Variants in FAM149A observed in about 807,000 individuals in gnomAD.
FAM149A encodes the protein protein FAM149A.
Under a neutral mutation model 78.2 loss-of-function variants are expected in FAM149A, and 71 were observed. The observed-to-expected ratio is 0.91, with a 90% confidence interval of 0.75 to 1.11. FAM149A has a LOEUF of 1.11. Ranked by LOEUF, FAM149A falls within the 50% of genes least tolerant of loss-of-function variation. FAM149A has a pLI of 0.00. For synonymous variants in FAM149A, 446 were observed against 410.5 expected (o/e 1.09, Z -1.04); for missense variants, 1,036 against 971.0 (o/e 1.07, Z -0.89).
At chr4:186,128,489 AAAG>A (rs1446837517) in intron 1 of FAM149A, among the ~76,000 whole-genome samples, 1 of 151,946 alleles carries the variant, frequency 6.6e-6, no homozygotes, top group Admixed American at 6.6e-5. Context: ...AAAAAACCAA[AAAG>A]AGCAACGGAA....
intron 1 of FAM149A, chr4:186,127,498 A>G: frequency 1.0e-6 from 1 of 985,422 alleles, no homozygotes; most frequent in Non-Finnish European, 1.2e-6. Flanking sequence ...TGTGGGTACC[A>G]GGTTCTGTCT....
chr4:186,150,413 CTTTTTTT>C (rs750482571), intron 3 of FAM149A, among the ~76,000 whole-genome samples: 4 of 84,288 alleles, frequency 4.7e-5, no homozygotes, highest in African/African-American at 1.2e-4. Context: ...CTCTCTGTCT[CTTTTTTT>C]TTTTTTTTTT....
At chr4:186,124,420 C>G (rs532687361) in intron 1 of FAM149A, among the ~76,000 whole-genome samples, 3 of 151,542 alleles carry the variant, frequency 2.0e-5, no homozygotes, top group Admixed American at 1.3e-4. Context: ...CGCTCCCCCC[C>G]ACCCCACAAC....
chr4:186,151,380 C>G (rs149380233), intron 3 of FAM149A, among the ~76,000 whole-genome samples: 83 of 152,346 alleles, frequency 5.4e-4, no homozygotes, highest in African/African-American at 2.0e-3. Flanking sequence ...AATAACCACA[C>G]TTCTTAGGAT....
At chr4:186,158,694 G>T in intron 8 of FAM149A, 1 of 1,101,346 alleles carries the variant, frequency 9.1e-7, no homozygotes, top group Non-Finnish European at 1.1e-6. Context: ...CTCAGCCTGA[G>T]GCTGCAGACT....
At chr4:186,107,972 G>GTATTAAGAC (rs1434238225) in intron 1 of FAM149A, among the ~76,000 whole-genome samples, 34 of 152,180 alleles carry the variant, frequency 2.2e-4, no homozygotes, top group African/African-American at 8.2e-4. Flanking sequence ...AAGGAAGAAA[G>GTATTAAGAC]TATTAAGACG....
At chr4:186,167,399 C>T (rs768575956) in intron 13 of FAM149A, 137 bp downstream of exon 13, 7 of 843,000 alleles carry the variant, frequency 8.3e-6, no homozygotes, top group African/African-American at 3.4e-5. Context: ...GGGCCTGTGG[C>T]CTGACCTCAG....
chr4:186,151,196 C>T (rs1733549932), intron 3 of FAM149A, among the ~76,000 whole-genome samples: 1 of 152,162 alleles, frequency 6.6e-6, no homozygotes, highest in Non-Finnish European at 1.5e-5. Context: ...GGGCAGCTGC[C>T]TCCTTCCTCT....
chr4:186,116,647 G>T (rs2099313856), intron 1 of FAM149A: 1 of 968,932 alleles, frequency 1.0e-6, no homozygotes, highest in African/African-American at 1.8e-5. Flanking sequence ...AGGCTGGCTG[G>T]AGGGCAGCGG....
intron 1 of FAM149A, chr4:186,125,860 A>G: frequency 2.0e-6 from 2 of 985,418 alleles, no homozygotes; most frequent in South Asian, 9.4e-5. Context: ...TTGAAGAAGC[A>G]ACGTAGAGGA....
At chr4:186,160,921 C>G in intron 8 of FAM149A, 9 of 967,936 alleles carry the variant, frequency 9.3e-6, no homozygotes, top group Non-Finnish European at 9.8e-6. Context: ...GTCCCTGTTT[C>G]TCAAAACCTC....
chr4:186,160,974 A>G, intron 8 of FAM149A: 1 of 705,066 alleles, frequency 1.4e-6, no homozygotes, highest in Non-Finnish European at 1.7e-6. Context: ...GAATTAAAGG[A>G]GATAAAACAT....
Position 186,104,841 on chromosome 4 carries a change from G to A in FAM149A, c.-236G>A. The A allele has an allele frequency of 1.8e-6, 1 of 557,552 alleles. No homozygotes were observed. The highest frequency in any genetic ancestry group is 2.3e-6 in the Non-Finnish European group (1 of 439,060). 34.5% of individuals were successfully genotyped at this position (557,552 alleles called of 1,614,324 possible). On this transcript the variant is annotated 5_prime_UTR_variant, in exon 1 of 14. Transcript: ENST00000389354. The stretch of plus-strand genomic sequence containing the variant: ...GCCCTCGGGGGTCTCACGGCGCTGG[G>A]ACGAGGCGGGGCTGCTCTCCGCAGC...
In FAM149A at chr4:186,144,714, A is replaced by C; in HGVS notation, c.567-4459A>C. ...GAGCGGGGAAGGCGCGCTTTCCCGG[A>C]GGTCGGCGCGGGGCCGGGGCCGGGG... On this transcript the variant is annotated intron_variant, in intron 1 of 13. Transcript: ENST00000389354. The surrounding 1 kb of genome is among the most constrained non-coding windows in gnomAD (Gnocchi z 4.2). The C allele has an allele frequency of 6.1e-6, 3 of 492,508 alleles. No homozygotes were observed. Among genetic ancestry groups the C allele is most frequent in the South Asian group, 8.8e-5 (1 of 11,360 alleles). The allele number at this position is 492,508 out of a possible 1,614,324, so 30.5% of individuals were successfully genotyped here. A position where few individuals can be genotyped will look rare whatever the true frequency, so the allele number is the denominator to read the frequency against.
chr4:186,146,544 G>C (rs922438364), intron 1 of FAM149A: 49 of 970,728 alleles, frequency 5.0e-5, no homozygotes, highest in Non-Finnish European at 5.4e-5. Context: ...CCCTGAAAAA[G>C]AGTGAATTTC....
chr4:186,146,216 T>A (rs922429884), intron 1 of FAM149A, among the ~76,000 whole-genome samples: 1 of 152,146 alleles, frequency 6.6e-6, no homozygotes, highest in East Asian at 1.9e-4. Flanking sequence ...CAAGTTTGTA[T>A]GTTATTACAC....
At chr4:186,153,621 A>G (rs1561407324) in intron 4 of FAM149A, 24 bp from the exon 5 acceptor site, 2 of 1,597,674 alleles carry the variant, frequency 1.3e-6, no homozygotes, top group Non-Finnish European at 1.7e-6. Context: ...CAAAAATGTC[A>G]GTAGCTTCTC....
intron 1 of FAM149A, among the ~76,000 whole-genome samples, chr4:186,119,987 AG>A (rs2099315287): frequency 6.6e-6 from 1 of 152,238 alleles, no homozygotes; most frequent in South Asian, 2.1e-4. Flanking sequence ...TATGAAGCGC[AG>A]TTTAAAGAAG....
chr4:186,169,474 A>ATCCCTCAAAAGTCTTG (rs1337636719), intron 13 of FAM149A: 3 of 985,294 alleles, frequency 3.0e-6, no homozygotes, highest in Non-Finnish European at 3.6e-6. Context: ...CCTAAGTCTT[A>ATCCCTCAAAAGTCTTG]TCCCTCAAAA....
Sources: allele counts gnomAD v4.1 joint callset (sites outside exome capture counted in the v4.1 genomes callset), GRCh38; gene constraint gnomAD v4.1.1; non-coding constraint Gnocchi (gnomAD v3.1); transcripts MANE v1.5; gene names NCBI Gene and HGNC (gene_info 2026-07-23, HGNC 2026-07-21).